IGSF10: variants seen among roughly 807,000 people sequenced by gnomAD.
IGSF10 encodes calvaria mechanical force protein 608.
Under a neutral mutation model 128.2 loss-of-function variants are expected in IGSF10, and 126 were observed. The observed-to-expected ratio is 0.98, with a 90% CI of 0.85 to 1.14. The LOEUF (loss-of-function observed/expected upper bound fraction) is 1.14. Ranked by LOEUF, IGSF10 falls within the 50% of genes most tolerant of loss-of-function variation. The pLI, the probability that IGSF10 is intolerant of heterozygous loss-of-function variation, is 0.00. For missense variants in IGSF10, 3,295 were observed against 3,149.8 expected, an observed-to-expected ratio of 1.05 and a Z score of -1.10; for synonymous variants, 1,185 against 1,146.2, an observed-to-expected ratio of 1.03 and a Z score of -0.68.
At chr3:151,473,550 T>C in the IGSF10 span, among the ~76,000 whole-genome samples, 9 of 152,222 alleles carry the variant, frequency 5.9e-5, no homozygotes, top group African/African-American at 1.9e-4. Context: ...GCTTGTATAA[T>C]GTAACTGGAT....
chr3:151,474,544 A>G, the IGSF10 span, among the ~76,000 whole-genome samples: 5 of 152,198 alleles, frequency 3.3e-5, no homozygotes, highest in Admixed American at 1.3e-4. Flanking sequence ...CCAGCGAACT[A>G]TGGTCCTTAG....
chr3:151,486,518 TC>T, the IGSF10 span, among the ~76,000 whole-genome samples: 5 of 152,202 alleles, frequency 3.3e-5, no homozygotes, highest in Admixed American at 6.5e-5. Context: ...CACACATTCT[TC>T]TCAGCACTAC....
chr3:151,456,882 T>C, intron 4 of IGSF10, 144 bp downstream of exon 4: 3 of 810,044 alleles, frequency 3.7e-6, no homozygotes, highest in Admixed American at 2.6e-5. Context: ...CAGTTAAAAA[T>C]CAGTTAACAT....
chr3:151,462,883 C>T (rs1032199084), upstream of IGSF10, among the ~76,000 whole-genome samples: 3 of 152,152 alleles, frequency 2.0e-5, no homozygotes, highest in African/African-American at 7.2e-5. Flanking sequence ...AACTTGGATG[C>T]TTGCTTTGGA....
At chr3:151,578,758 A>G in the IGSF10 span, among the ~76,000 whole-genome samples, 1 of 152,206 alleles carries the variant, frequency 6.6e-6, no homozygotes, top group Non-Finnish European at 1.5e-5. Context: ...CATTGGAGCT[A>G]GGAGAAGAAA....
the IGSF10 span, among the ~76,000 whole-genome samples, chr3:151,500,043 A>AT: frequency 6.6e-6 from 1 of 152,196 alleles, no homozygotes; most frequent in African/African-American, 2.4e-5. Flanking sequence ...TCATTTAAAA[A>AT]TAGCAGCATG....
the IGSF10 span, among the ~76,000 whole-genome samples, chr3:151,607,174 G>T: frequency 4.6e-5 from 7 of 152,180 alleles, no homozygotes; most frequent in African/African-American, 1.7e-4. Flanking sequence ...AATCGTAAAT[G>T]AAAGCTTTAT....
chr3:151,449,329 G>T, intron 5 of IGSF10, 64 bp from the exon 6 acceptor site: 2 of 1,404,304 alleles, frequency 1.4e-6, no homozygotes, highest in Non-Finnish European at 1.9e-6. Flanking sequence ...CAAACATTTT[G>T]AAGAAATAGC....
rs1201782466 is a variant in IGSF10, at chr3:151,448,049, G to A, written c.1932C>T (p.Arg644=). The change falls in exon 6 of 8, where the codon CGC becomes CGT. Residue 644 remains arginine, a synonymous_variant. Transcript: ENST00000282466. The part of the protein sequence containing the change: ...QVTPKDQGYY[R]CVAANPSGVD... ...CCCCTGATGGGTTGGCTGCCACACA[G>A]CGATAATAACCTTGGTCTTTCGGGG... 5 of 1,614,194 alleles carry A rather than the reference G, an allele frequency of 3.1e-6. No individual in the cohort carries two copies. Among genetic ancestry groups the A allele is most frequent in the Non-Finnish European group, 1.7e-6 (2 of 1,180,044 alleles).
chr3:151,456,077 G>A (rs1204291464), intron 4 of IGSF10, among the ~76,000 whole-genome samples: 1 of 152,150 alleles, frequency 6.6e-6, no homozygotes, highest in Non-Finnish European at 1.5e-5. Context: ...TTGAAAATTT[G>A]GTCGAGAGAA....
chr3:151,441,811 C>T (rs1720864747), intron 7 of IGSF10, among the ~76,000 whole-genome samples: 1 of 152,142 alleles, frequency 6.6e-6, no homozygotes, highest in African/African-American at 2.4e-5. Flanking sequence ...CCTGTAATCC[C>T]AGCACTTTGG....
chr3:151,445,420 C>G lies in IGSF10; in HGVS notation c.4561G>C (p.Glu1521Gln). The G allele has an allele frequency of 1.9e-6, 3 of 1,614,234 alleles. No homozygotes were observed. Among genetic ancestry groups the G allele is most frequent in the Non-Finnish European group, 2.5e-6 (3 of 1,180,044 alleles). Residue 1521 changes from glutamate to glutamine, a missense_variant, in exon 6 of 8, where the codon GAG becomes CAG. Transcript: ENST00000282466. Reference sequence around the variant, plus strand: ...TGAACCTTGGGGGATGTTGCAACCTCTGCTACTAATTGCTGTGGTTTAGCA... The same window carrying G: ...TGAACCTTGGGGGATGTTGCAACCTGTGCTACTAATTGCTGTGGTTTAGCA... ...HNAKPQQLVA[E>Q]VATSPKVHPN...
At chr3:151,553,509 A>T in the IGSF10 span, among the ~76,000 whole-genome samples, 7 of 152,080 alleles carry the variant, frequency 4.6e-5, no homozygotes, top group African/African-American at 1.7e-4. Context: ...TTAGAATGTG[A>T]TCAGTTATGA....
chr3:151,437,161 GTCCAT>G lies in IGSF10; in HGVS notation c.7395_7399del (p.Lys2465AsnfsTer14). On this transcript the variant is annotated frameshift_variant, in exon 8 of 8. Coordinates refer to ENST00000282466, the MANE Select transcript of IGSF10 (RefSeq NM_178822.5). LOFTEE classifies it low-confidence loss of function (END_TRUNC). ...GTCTACTACATAACCACTTGGCATA[GTCCAT>G]TTGATATTTGGCTTAGGGATTCCAT... 1.2e-6 allele frequency: 2 copies of G among 1,614,072 alleles called. No individual in the cohort carries two copies. Among genetic ancestry groups the G allele is most frequent in the Non-Finnish European group, 1.7e-6 (2 of 1,179,982 alleles).
At chr3:151,490,424 G>C in the IGSF10 span, among the ~76,000 whole-genome samples, 1 of 151,860 alleles carries the variant, frequency 6.6e-6, no homozygotes, top group African/African-American at 2.4e-5. Context: ...TACGATAGTG[G>C]GGAATTTTGA....
intron 4 of IGSF10, among the ~76,000 whole-genome samples, chr3:151,455,399 C>A (rs1223232514): frequency 1.3e-5 from 2 of 152,090 alleles, no homozygotes; most frequent in Non-Finnish European, 2.9e-5. Context: ...AGGTGTGAGC[C>A]ACTGCGCCCG....
chr3:151,617,320 C>CTTCTTCTTCTTTCTTCTTCT, the IGSF10 span, among the ~76,000 whole-genome samples: 1 of 83,580 alleles, frequency 1.2e-5, no homozygotes, highest in Non-Finnish European at 2.2e-5. Context: ...CTTCTTCTTC[C>CTTCTTCTTCTTTCTTCTTCT]CCTCCTCCTC....
At chr3:151,591,034 T>C in the IGSF10 span, among the ~76,000 whole-genome samples, 4 of 152,118 alleles carry the variant, frequency 2.6e-5, no homozygotes, top group African/African-American at 9.7e-5. Context: ...AGGCTACGTG[T>C]AGATTCTAAT....
chr3:151,514,690 AT>A, the IGSF10 span, among the ~76,000 whole-genome samples: 1 of 152,228 alleles, frequency 6.6e-6, no homozygotes, highest in East Asian at 1.9e-4. Flanking sequence ...AACTTACAAA[AT>A]GGGAGAAAAT....
Sources: gnomAD v4.1 joint callset for allele counts (sites outside exome capture counted in the v4.1 genomes callset) on GRCh38, gnomAD v4.1.1 for gene constraint, MANE v1.5 for transcripts, NCBI Gene and HGNC (gene_info 2026-07-23, HGNC 2026-07-21) for gene names.